SMYD3: variants seen among roughly 807,000 people sequenced by gnomAD.
SMYD3 encodes the protein histone-lysine N-methyltransferase SMYD3.
In SMYD3, 36 loss-of-function variants were observed where a neutral mutation model predicts 57.7. The ratio of observed to expected loss-of-function variants is 0.62; its 90% confidence interval spans 0.48 to 0.82. The LOEUF is 0.82. SMYD3 is among the 40% of genes least tolerant of loss of function. The probability of loss-of-function intolerance (pLI) is 0.00; values close to 1 mark genes in which losing one functional copy is unlikely to be tolerated. For missense variants in SMYD3, 515 were observed against 538.8 expected (o/e 0.96, Z 0.44); for synonymous variants, 211 against 195.0 (o/e 1.08, Z -0.68).
Position 245,822,689 on chromosome 1 carries a change from C to T in SMYD3, c.1076+35807G>A, listed in dbSNP as rs186717615. Among the ~76,000 whole-genome samples the T allele has an allele frequency of 3.8e-3, 578 of 152,276 alleles. 5 individuals carry two copies. Among genetic ancestry groups the T allele is most frequent in the Admixed American group, 4.0e-3 (61 of 15,300 alleles). On this transcript the variant is annotated intron_variant, in intron 10 of 11. Coordinates refer to ENST00000490107, the MANE Select transcript of SMYD3 (RefSeq NM_001167740.2). ...ACTTCCTCCGCTGAGGGTGAAGCCT[C>T]ACTTACCATTCTCTGCAGCAATCCC...
At chr1:245,998,910 T>C (rs983697845) in intron 5 of SMYD3, among the ~76,000 whole-genome samples, 2 of 152,150 alleles carry the variant, frequency 1.3e-5, no homozygotes, top group African/African-American at 4.8e-5. Context: ...GGACAAATAC[T>C]GTGTGATTCC....
At chr1:245,980,904 C>T (rs1558555714) in intron 5 of SMYD3, among the ~76,000 whole-genome samples, 1 of 152,152 alleles carries the variant, frequency 6.6e-6, no homozygotes, top group Non-Finnish European at 1.5e-5. Flanking sequence ...TGTTGGTACT[C>T]GTCCCTGCCT....
chr1:245,758,147 T>C (rs973617768), intron 11 of SMYD3, among the ~76,000 whole-genome samples: 1 of 152,198 alleles, frequency 6.6e-6, no homozygotes, highest in African/African-American at 2.4e-5. Context: ...TGGTTTTGTG[T>C]TATTGCAAAT....
chr1:246,498,804 C>T (rs1392107122), intron 1 of SMYD3, among the ~76,000 whole-genome samples: 2 of 151,266 alleles, frequency 1.3e-5, no homozygotes, highest in East Asian at 1.9e-4. Context: ...ATGAACCAGA[C>T]GCTACGGTCT....
intron 5 of SMYD3, among the ~76,000 whole-genome samples, chr1:246,258,661 A>G (rs373241292): frequency 6.6e-6 from 1 of 152,160 alleles, no homozygotes; most frequent in East Asian, 1.9e-4. Context: ...ATTTTTCTTT[A>G]GCACCGACCT....
chr1:245,993,655 CAGACAGACAGAT>C (rs149201268), intron 5 of SMYD3, among the ~76,000 whole-genome samples: 19,919 of 150,702 alleles, frequency 0.13, 1,414 homozygotes, highest in South Asian at 0.22. Context: ...GACAGACAGA[CAGACAGACAGAT>C]ATAGATTCCA....
At chr1:245,781,994 AT>A (rs983954002) in intron 10 of SMYD3, among the ~76,000 whole-genome samples, 4 of 151,812 alleles carry the variant, frequency 2.6e-5, no homozygotes, top group Non-Finnish European at 4.4e-5. Context: ...ACTAATCAAA[AT>A]TTTTTTTAAA....
At chr1:246,042,064 G>A (rs557120695) in intron 5 of SMYD3, among the ~76,000 whole-genome samples, 4 of 152,284 alleles carry the variant, frequency 2.6e-5, no homozygotes, top group African/African-American at 7.2e-5. Flanking sequence ...GTCACATTTT[G>A]AGGATGGGAC....
chr1:246,436,603 T>G (rs985772714), intron 1 of SMYD3, among the ~76,000 whole-genome samples: 9 of 152,204 alleles, frequency 5.9e-5, no homozygotes, highest in Non-Finnish European at 1.2e-4. Context: ...ACTTGATACT[T>G]TTGAAGAGTA....
chr1:246,251,056 A>C (rs994842298), intron 5 of SMYD3, among the ~76,000 whole-genome samples: 9 of 152,226 alleles, frequency 5.9e-5, no homozygotes, highest in Non-Finnish European at 1.0e-4. Flanking sequence ...GCACATCAAC[A>C]AGAATGGGGT....
chr1:245,834,561 C>G (rs2148396406), intron 10 of SMYD3, among the ~76,000 whole-genome samples: 1 of 152,322 alleles, frequency 6.6e-6, no homozygotes, highest in Admixed American at 6.5e-5. Flanking sequence ...TCTTAACGTC[C>G]TCTGAGGAAC....
chr1:246,023,807 C>CTGTGTGTGTGTGTGTG (rs201726897), intron 5 of SMYD3, among the ~76,000 whole-genome samples: 3,558 of 139,498 alleles, frequency 0.026, 79 homozygotes, highest in South Asian at 0.059. Flanking sequence ...TATTACAAAA[C>CTGTGTGTGTGTGTGTG]TGTGTGTGTG....
chr1:245,943,183 A>AG (rs1490501320), intron 5 of SMYD3, among the ~76,000 whole-genome samples: 2 of 149,528 alleles, frequency 1.3e-5, no homozygotes, highest in Non-Finnish European at 3.0e-5. Flanking sequence ...AAAAAAAAAA[A>AG]AAAAATCAAA....
At chr1:246,199,431 T>C (rs2062875655) in intron 5 of SMYD3, among the ~76,000 whole-genome samples, 1 of 152,238 alleles carries the variant, frequency 6.6e-6, no homozygotes, top group African/African-American at 2.4e-5. Context: ...AATGAATGCA[T>C]CTGCTTGTGG....
chr1:246,040,370 G>GC (rs2059847547), intron 5 of SMYD3, among the ~76,000 whole-genome samples: 2 of 152,108 alleles, frequency 1.3e-5, no homozygotes, highest in African/African-American at 4.8e-5. Context: ...CACCACAAAC[G>GC]CAAGTGCTGC....
intron 5 of SMYD3, among the ~76,000 whole-genome samples, chr1:246,242,992 A>T (rs1346804041): frequency 6.6e-6 from 1 of 152,190 alleles, no homozygotes; most frequent in East Asian, 1.9e-4. Context: ...AGACTCCCAC[A>T]CAATAATAAT....
At chr1:245,885,152 C>A (rs191897396) in intron 8 of SMYD3, among the ~76,000 whole-genome samples, 27 of 152,294 alleles carry the variant, frequency 1.8e-4, no homozygotes, top group African/African-American at 6.5e-4. Context: ...CGGCTTCACT[C>A]CTGAAGTCAG....
intron 5 of SMYD3, among the ~76,000 whole-genome samples, chr1:246,119,413 C>CTTT (rs111657622): frequency 3.8e-5 from 5 of 130,210 alleles, no homozygotes; most frequent in Admixed American, 7.6e-5. Flanking sequence ...TTTGTTCTTT[C>CTTT]TTTTTTTTTT....
At chr1:245,876,549 C>T (rs190951374) in intron 8 of SMYD3, among the ~76,000 whole-genome samples, 1 of 152,328 alleles carries the variant, frequency 6.6e-6, no homozygotes, top group East Asian at 1.9e-4. Context: ...CTTGTCTGCT[C>T]AATCTACAGT....
Sources: gnomAD v4.1 joint callset for allele counts (sites outside exome capture counted in the v4.1 genomes callset) on GRCh38, gnomAD v4.1.1 for gene constraint, MANE v1.5 for transcripts, NCBI Gene and HGNC (gene_info 2026-07-23, HGNC 2026-07-21) for gene names.